Variants in SETD9 observed in about 807,000 individuals in gnomAD.
SETD9 encodes the protein SET domain containing 9, also known as SET domain-containing protein 9.
Under a neutral mutation model 36.4 loss-of-function variants are expected in SETD9, and 37 were observed. The ratio of observed to expected loss-of-function variants is 1.02; its 90% CI spans 0.78 to 1.34. The LOEUF (loss-of-function observed/expected upper bound fraction) is 1.34, where lower values mean the gene tolerates loss of function less well. Ranked by LOEUF, SETD9 falls within the 40% of genes most tolerant of loss-of-function variation. SETD9 has a pLI of 0.00. For synonymous variants in SETD9, 128 were observed against 132.9 expected (o/e 0.96, Z 0.26); for missense variants, 323 against 353.2 (o/e 0.91, Z 0.69).
chr5:56,909,992 G>A (rs1579804542), intron 1 of SETD9: 4 of 1,324,634 alleles, frequency 3.0e-6, no homozygotes, highest in Non-Finnish European at 3.9e-6. Flanking sequence ...GAAGCCTGAA[G>A]TGGGCGGTGG....
intron 1 of SETD9, chr5:56,910,366 C>T: frequency 7.7e-7 from 1 of 1,304,206 alleles, no homozygotes; most frequent in South Asian, 1.2e-5. Flanking sequence ...CACTCAAAAG[C>T]ACGTCGGGAT....
Position 56,911,315 on chromosome 5 carries a change from T to A in SETD9, c.245T>A (p.Val82Asp). ...SEILSMLPES[V>D]KSKYQDLLAV... ...ATCTTGTCTATGCTTCCAGAATCTG[T>A]TAAATCAAAATATCAAGACCTACTG... Residue 82 changes from valine (V) to aspartate (D), a missense_variant, in exon 2 of 6, where the codon GTT becomes GAT. Val to Asp is a radical substitution (Grantham distance 152). Transcript: ENST00000285947. 1 of 1,611,684 alleles carries A rather than the reference T, an allele frequency of 6.2e-7. No individual in the cohort carries two copies. Among genetic ancestry groups the A allele is most frequent in the Admixed American group, 1.7e-5 (1 of 59,476 alleles).
chr5:56,915,538 C>T (rs1187135550), intron 5 of SETD9, among the ~76,000 whole-genome samples: 2 of 152,174 alleles, frequency 1.3e-5, no homozygotes, highest in Admixed American at 6.5e-5. Context: ...AGAGTTCTTT[C>T]TTAACAGTGC....
chr5:56,922,815 G>A, intron 5 of SETD9: 2 of 306,344 alleles, frequency 6.5e-6, no homozygotes, highest in Non-Finnish European at 1.2e-5. Context: ...AGGGCAGTGG[G>A]GAACACAAAA....
At chr5:56,912,903 GA>G in intron 2 of SETD9, 107 bp from the exon 3 acceptor site, 1 of 1,232,830 alleles carries the variant, frequency 8.1e-7, no homozygotes, top group Non-Finnish European at 1.1e-6. Flanking sequence ...CTTTAAGAGG[GA>G]GAAAGTAACT....
chr5:56,914,637 A>G (rs561073106), intron 4 of SETD9, among the ~76,000 whole-genome samples: 1 of 152,138 alleles, frequency 6.6e-6, no homozygotes, highest in African/African-American at 2.4e-5. Context: ...CATGTTTTAT[A>G]TATGTCTTTT....
chr5:56,911,444 C>T lies in SETD9; in HGVS notation c.374C>T (p.Ala125Val). Residue 125 changes from alanine (A) to valine (V), a missense_variant, in exon 2 of 6, where the codon GCC becomes GTC. Coordinates refer to ENST00000285947, the MANE Select transcript of SETD9 (RefSeq NM_153706.4). ...TACAAGACTTTGGGTTTCAGTGTTG[C>T]CCAAGCAACTAGCTCATTGATTTCT... ...ILYKTLGFSV[A>V]QATSSLISAG... is the part of the protein sequence containing the mutation. The T allele has an allele frequency of 1.9e-6, 3 of 1,612,496 alleles. No individual in the cohort carries two copies. Among genetic ancestry groups the T allele is most frequent in the East Asian group, 2.2e-5 (1 of 44,862 alleles).
intron 4 of SETD9, 105 bp from the exon 5 acceptor site, chr5:56,914,756 G>C (rs1749341110): frequency 6.3e-6 from 4 of 637,166 alleles, no homozygotes; most frequent in Non-Finnish European, 9.8e-6. Flanking sequence ...TTTTGATCAT[G>C]TTTTGATAAT....
chr5:56,913,981 G>A lies in SETD9; in HGVS notation c.698G>A (p.Cys233Tyr), dbSNP rs1749295536. The change falls in exon 4 of 6, where the codon TGT (cysteine) becomes TAT (tyrosine). Residue 233 changes from cysteine (C) to tyrosine (Y), a missense_variant. Physicochemically the swap from Cys to Tyr is radical, Grantham distance 194. Transcript: ENST00000285947. ...GCTGTGGGACAGTATGTCAACAATT[G>A]TTCCAATGGTAAGAAGGCATCATGG... The part of the protein sequence containing the change: ...PLAVGQYVNN[C>Y]SNDRAANVCY... 1.2e-5 allele frequency: 19 copies of A among 1,610,190 alleles called. No individual in the cohort carries two copies. Among genetic ancestry groups the A allele is most frequent in the Non-Finnish European group, 1.6e-5 (19 of 1,176,596 alleles).
downstream of SETD9, among the ~76,000 whole-genome samples, chr5:56,926,191 G>T (rs961304203): frequency 1.3e-5 from 2 of 152,004 alleles, no homozygotes; most frequent in Non-Finnish European, 2.9e-5. Context: ...GTTTGGCAAT[G>T]ATTTTTTTAA....
chr5:56,915,007 C>T, intron 5 of SETD9, 41 bp downstream of exon 5: 1 of 1,382,130 alleles, frequency 7.2e-7, no homozygotes, highest in Non-Finnish European at 9.8e-7. Context: ...TCTGCTTATG[C>T]TGTACTTAAA....
At chr5:56,914,824 A>T in intron 4 of SETD9, 37 bp from the exon 5 acceptor site, 1 of 1,468,508 alleles carries the variant, frequency 6.8e-7, no homozygotes, top group East Asian at 2.3e-5. Context: ...ACCTTGTATA[A>T]TGGCTCTTTT....
chr5:56,918,711 G>C (rs2112042765), downstream of SETD9, among the ~76,000 whole-genome samples: 1 of 152,328 alleles, frequency 6.6e-6, no homozygotes, highest in Admixed American at 6.5e-5. Context: ...TGTGGTTTTA[G>C]TCAAGTAACC....
chr5:56,913,188 A>T, intron 3 of SETD9, 54 bp downstream of exon 3: 1 of 1,579,246 alleles, frequency 6.3e-7, no homozygotes, highest in Non-Finnish European at 8.6e-7. Context: ...CGCACTTACC[A>T]CAATGATTAT....
exon 6 of SETD9, chr5:56,925,351 T>C (rs1749913410): frequency 4.4e-6 from 2 of 454,618 alleles, no homozygotes; most frequent in Middle Eastern, 3.3e-4. Context: ...ACTGTCTACG[T>C]AGAAAACTCC....
At chr5:56,920,923 T>A (rs532995455), downstream of SETD9, 2 of 152,676 alleles carry the variant, frequency 1.3e-5, no homozygotes, top group East Asian at 3.9e-4. Context: ...CATTTAAAAA[T>A]CTATTAAACT....
At chr5:56,914,162 G>T (rs955062412) in intron 4 of SETD9, among the ~76,000 whole-genome samples, 173 bp downstream of exon 4, 1 of 152,126 alleles carries the variant, frequency 6.6e-6, no homozygotes, top group African/African-American at 2.4e-5. Context: ...GGGAAATCTT[G>T]ATATACATTA....
At chr5:56,911,055 A>G in intron 1 of SETD9, 114 bp from the exon 2 acceptor site, 2 of 1,258,804 alleles carry the variant, frequency 1.6e-6, no homozygotes, top group Non-Finnish European at 1.1e-6. Context: ...CCAGCCCTCC[A>G]CACACATGAG....
At chr5:56,915,022 T>C in intron 5 of SETD9, 56 bp downstream of exon 5, 1 of 1,298,670 alleles carries the variant, frequency 7.7e-7, no homozygotes, top group Non-Finnish European at 1.0e-6. Context: ...CTTAAAAAAA[T>C]ATAGAAGAAA....
Sources: gnomAD v4.1 joint callset for allele counts (sites outside exome capture counted in the v4.1 genomes callset) on GRCh38, gnomAD v4.1.1 for gene constraint, MANE v1.5 for transcripts, NCBI Gene and HGNC (gene_info 2026-07-23, HGNC 2026-07-21) for gene names.